ABCC4: variants seen among roughly 807,000 people sequenced by gnomAD.
ABCC4 encodes the protein ATP-binding cassette sub-family C member 4.
Under a neutral mutation model 168.5 loss-of-function variants are expected in ABCC4, and 102 were observed. The ratio of observed to expected loss-of-function variants is 0.61; its 90% CI spans 0.52 to 0.71. The LOEUF is 0.71. Among genes scored for constraint, ABCC4 ranks in the 30% least tolerant of loss-of-function variants. ABCC4 has a pLI of 0.00. For synonymous variants in ABCC4, 617 were observed against 590.7 expected, an observed-to-expected ratio of 1.04 and a Z score of -0.65; for missense variants, 1,402 against 1,605.8, an observed-to-expected ratio of 0.87 and a Z score of 2.17.
rs1555336345 is a variant in ABCC4, at chr13:95,244,670, A to AAATAAATCAATC, written c.306+2304_306+2305insGATTGATTTATT. 3.0e-4 allele frequency among the ~76,000 whole-genome samples: 32 copies of AAATAAATCAATC among 106,458 alleles called. 6 individuals are homozygous for AAATAAATCAATC. The highest frequency in any genetic ancestry group is 1.2e-3 in the South Asian group (4 of 3,418). 69.8% of individuals were successfully genotyped at this position (106,458 alleles called of 152,430 possible). A position where few individuals can be genotyped will look rare whatever the true frequency, so the allele number is the denominator to read the frequency against. The stretch of plus-strand genomic sequence containing the variant: ...GAAAGAAAGAAAGAAAGAAAGAAAG[A>AAATAAATCAATC]AATCATAGCAGTTCCTGGTACATAG... On this transcript the variant is annotated intron_variant, in intron 3 of 30. Coordinates refer to ENST00000645237, the MANE Select transcript of ABCC4 (RefSeq NM_005845.5).
At chr13:95,166,525 C>T (rs534470625) in intron 14 of ABCC4, among the ~76,000 whole-genome samples, 158 bp from the exon 15 acceptor site, 1 of 152,282 alleles carries the variant, frequency 6.6e-6, no homozygotes, top group East Asian at 1.9e-4. Context: ...ACTTGATACA[C>T]AACTGAGTGT....
intron 1 of ABCC4, among the ~76,000 whole-genome samples, chr13:95,253,374 T>G (rs138696285): frequency 6.6e-6 from 1 of 152,134 alleles, no homozygotes; most frequent in African/African-American, 2.4e-5. Flanking sequence ...TCTGTGTTGT[T>G]TGCTGCTAAG....
intron 8 of ABCC4, among the ~76,000 whole-genome samples, chr13:95,206,115 T>C (rs1433972114): frequency 6.6e-6 from 1 of 152,214 alleles, no homozygotes; most frequent in African/African-American, 2.4e-5. Context: ...CCATTCTTCC[T>C]GACCAAGAAG....
At chr13:95,036,804 C>A (rs2032140192) in intron 29 of ABCC4, among the ~76,000 whole-genome samples, 1 of 152,000 alleles carries the variant, frequency 6.6e-6, no homozygotes, top group Non-Finnish European at 1.5e-5. Flanking sequence ...AAAATATAGG[C>A]CAGGTTCAGT....
At chr13:95,228,931 G>T (rs1458426201) in intron 4 of ABCC4, among the ~76,000 whole-genome samples, 2 of 152,030 alleles carry the variant, frequency 1.3e-5, no homozygotes, top group African/African-American at 4.8e-5. Context: ...AGAGGAGAGG[G>T]TTCTCAAATG....
intron 1 of ABCC4, among the ~76,000 whole-genome samples, chr13:95,298,723 A>G (rs760740215): frequency 4.6e-5 from 7 of 152,316 alleles, no homozygotes; most frequent in Non-Finnish European, 1.0e-4. Flanking sequence ...AGCTCAGTAC[A>G]GCAGCTCCAA....
At chr13:95,064,317 G>A (rs2033439541) in intron 25 of ABCC4, among the ~76,000 whole-genome samples, 1 of 139,020 alleles carries the variant, frequency 7.2e-6, no homozygotes, top group Non-Finnish European at 1.5e-5. Context: ...CACACCAATT[G>A]AATTTCTGAG....
At chr13:95,070,707 G>C (rs2033695672) in intron 25 of ABCC4, among the ~76,000 whole-genome samples, 1 of 152,140 alleles carries the variant, frequency 6.6e-6, no homozygotes, top group Non-Finnish European at 1.5e-5. Flanking sequence ...GGGGCTGAGA[G>C]CCAGACAGGT....
chr13:95,281,022 A>T (rs551336574), intron 1 of ABCC4, among the ~76,000 whole-genome samples: 3 of 151,924 alleles, frequency 2.0e-5, no homozygotes, highest in Non-Finnish European at 4.4e-5. Flanking sequence ...TTCTTTTAAT[A>T]CTGGATGCTA....
At chr13:95,058,356 G>A (rs187731368) in intron 26 of ABCC4, among the ~76,000 whole-genome samples, 25 of 151,794 alleles carry the variant, frequency 1.6e-4, no homozygotes, top group African/African-American at 6.0e-4. Context: ...GGATCACAAG[G>A]TCAGGAGATC....
intron 3 of ABCC4, among the ~76,000 whole-genome samples, chr13:95,240,359 C>T (rs989664034): frequency 1.3e-5 from 2 of 152,010 alleles, no homozygotes; most frequent in African/African-American, 4.8e-5. Context: ...TGGTGAAACC[C>T]CATCTCTACT....
intron 21 of ABCC4, among the ~76,000 whole-genome samples, chr13:95,081,056 T>G (rs1470016906): frequency 6.8e-6 from 1 of 147,148 alleles, no homozygotes; most frequent in Admixed American, 6.8e-5. Flanking sequence ...GCCCCCGTGG[T>G]TGGTGATCTG....
At chr13:95,136,210 G>A (rs1212476406) in intron 19 of ABCC4, among the ~76,000 whole-genome samples, 7 of 151,722 alleles carry the variant, frequency 4.6e-5, no homozygotes, top group African/African-American at 4.8e-5. Context: ...TTTCACTCCC[G>A]TCTCAAAAAG....
chr13:95,145,796 C>A (rs1470288876), intron 19 of ABCC4, among the ~76,000 whole-genome samples: 5 of 152,132 alleles, frequency 3.3e-5, no homozygotes, highest in African/African-American at 1.2e-4. Flanking sequence ...ATGCCCTTTG[C>A]AGCAACATGG....
At chr13:95,163,484 T>A in intron 17 of ABCC4, 126 bp downstream of exon 17, 2 of 931,168 alleles carry the variant, frequency 2.1e-6, no homozygotes, top group Non-Finnish European at 3.3e-6. Flanking sequence ...CTCTAATTTT[T>A]CTTCGGGTAA....
At chr13:95,120,514 C>A in intron 19 of ABCC4, among the ~76,000 whole-genome samples, 1 of 139,804 alleles carries the variant, frequency 7.2e-6, no homozygotes, top group African/African-American at 2.8e-5. Context: ...TGCCATGAGC[C>A]AAGATGATGG....
At chr13:95,277,416 A>G (rs917743661) in intron 1 of ABCC4, among the ~76,000 whole-genome samples, 1 of 152,182 alleles carries the variant, frequency 6.6e-6, no homozygotes, top group Admixed American at 6.5e-5. Context: ...CCTTGTCTCT[A>G]CCAAAAATAC....
At chr13:95,155,015 T>G (rs1361189863) in intron 19 of ABCC4, among the ~76,000 whole-genome samples, 1 of 152,202 alleles carries the variant, frequency 6.6e-6, no homozygotes, top group Non-Finnish European at 1.5e-5. Flanking sequence ...ACAGTCTTTC[T>G]GATCATATAA....
intron 20 of ABCC4, among the ~76,000 whole-genome samples, chr13:95,115,582 C>T (rs751753747): frequency 1.3e-5 from 2 of 151,236 alleles, no homozygotes; most frequent in Non-Finnish European, 2.9e-5. Context: ...GCTATCTTTC[C>T]GTGAGAGGTG....
Sources: allele counts gnomAD v4.1 joint callset (sites outside exome capture counted in the v4.1 genomes callset), GRCh38; gene constraint gnomAD v4.1.1; transcripts MANE v1.5; gene names NCBI Gene and HGNC (gene_info 2026-07-23, HGNC 2026-07-21).